The following NMRK2 variants were observed in gnomAD, a reference collection of about 807,000 sequenced individuals.
The protein encoded by NMRK2 is nicotinamide riboside kinase 2, also known as NRK 2.
A neutral mutation model predicts 24.7 loss-of-function variants in NMRK2; 34 were observed. That is an observed-to-expected ratio of 1.37 (90% CI 1.05 to 1.83). The LOEUF (loss-of-function observed/expected upper bound fraction) is 1.83. NMRK2 is among the 40% of genes most tolerant of loss of function. The probability of loss-of-function intolerance (pLI) is 0.00; values close to 1 mark genes in which losing one functional copy is unlikely to be tolerated. For synonymous variants in NMRK2, 145 were observed against 125.6 expected (o/e 1.15, Z -1.03); for missense variants, 341 against 315.0 (o/e 1.08, Z -0.62).
intron 7 of NMRK2, 75 bp from the exon 8 acceptor site, chr19:3,942,008 C>G: frequency 8.0e-7 from 1 of 1,255,150 alleles, no homozygotes; most frequent in Non-Finnish European, 1.1e-6. Context: ...TGCTCCTGAC[C>G]CAGCCGTCCA....
At chr19:3,937,132 C>T in intron 3 of NMRK2, 108 bp from the exon 4 acceptor site, 1 of 1,073,898 alleles carries the variant, frequency 9.3e-7, no homozygotes, top group Non-Finnish European at 1.4e-6. Flanking sequence ...CCCCACGCCT[C>T]AGGGACCTCA....
At chr19:3,936,796 CTCCT>C in intron 3 of NMRK2, 131 bp downstream of exon 3, 2 of 692,706 alleles carry the variant, frequency 2.9e-6, no homozygotes, top group Non-Finnish European at 4.7e-6. Flanking sequence ...TGCCTGACCC[CTCCT>C]GGGGTCTCTG....
chr19:3,934,588 C>T (rs1039287941), intron 2 of NMRK2, among the ~76,000 whole-genome samples: 4 of 150,264 alleles, frequency 2.7e-5, no homozygotes, highest in Admixed American at 6.7e-5. Flanking sequence ...TTGTTGTTGC[C>T]GTCGTAGTTT....
At chr19:3,940,371 C>T (rs527383770) in intron 6 of NMRK2, among the ~76,000 whole-genome samples, 2 of 144,410 alleles carry the variant, frequency 1.4e-5, no homozygotes, top group South Asian at 2.2e-4. Context: ...GGCGGCCAGG[C>T]GCGGTGGCTC....
At chr19:3,937,206 C>T (rs369141710) in intron 3 of NMRK2, 34 bp from the exon 4 acceptor site, 3 of 1,610,794 alleles carry the variant, frequency 1.9e-6, no homozygotes, top group Non-Finnish European at 2.5e-6. Context: ...CAGGACCGGG[C>T]ACTGAGCCCG....
intron 3 of NMRK2, 24 bp downstream of exon 3, chr19:3,936,689 T>A: frequency 6.5e-7 from 1 of 1,537,494 alleles, no homozygotes; most frequent in Non-Finnish European, 8.8e-7. Context: ...CCCGGGGAGG[T>A]GGAGCTGAGA....
In NMRK2 at chr19:3,933,636, C is replaced by A. The variant is rs1408940335; in HGVS notation, c.-36C>A. On this transcript the variant is annotated 5_prime_UTR_variant, in exon 2 of 8. Coordinates refer to ENST00000168977, the MANE Select transcript of NMRK2 (RefSeq NM_170678.3). The stretch of plus-strand genomic sequence containing the variant: ...GCGTGGTCGCACCCTACCCGGGCTG[C>A]CTTGGAAGTCGTCCCCGCCGCCCCT... 6.6e-7 allele frequency: 1 copy of A among 1,519,136 alleles called. No homozygotes were observed. The highest frequency in any genetic ancestry group is 2.7e-5 in the East Asian group (1 of 37,382). The allele number at this position is 1,519,136 out of a possible 1,614,324, so 94.1% of individuals were successfully genotyped here.
In NMRK2 at chr19:3,933,692, C is replaced by T. The variant is rs2039156600; in HGVS notation, c.21C>T (p.Ile7=). ...CCGGCATGAAGCTCATCGTGGGCAT[C>T]GGAGGGTGAGCGCCGGGGGACCTGG... The part of the protein sequence containing the change: MKLIVG[I]GGMTNGGKTT... Residue 7 remains isoleucine (I), a synonymous_variant, in exon 2 of 8, where the codon ATC becomes ATT. Transcript: ENST00000168977. 1 of 1,467,490 alleles carries T rather than the reference C, an allele frequency of 6.8e-7. No individual in the cohort carries two copies. The highest frequency in any genetic ancestry group is 1.5e-5 in the African/African-American group (1 of 68,948). 90.9% of individuals were successfully genotyped at this position (1,467,490 alleles called of 1,614,324 possible).
At chr19:3,940,367 C>T (rs1244990271) in intron 6 of NMRK2, among the ~76,000 whole-genome samples, 1 of 145,850 alleles carries the variant, frequency 6.9e-6, no homozygotes, top group Non-Finnish European at 1.5e-5. Context: ...AAAAGGCGGC[C>T]AGGCGCGGTG....
chr19:3,941,986 T>C (rs910054465), intron 7 of NMRK2, 97 bp from the exon 8 acceptor site: 37 of 991,880 alleles, frequency 3.7e-5, no homozygotes, highest in Non-Finnish European at 4.0e-5. Context: ...AGCCCGACTC[T>C]GCAGATCTCC....
intron 2 of NMRK2, among the ~76,000 whole-genome samples, chr19:3,933,952 A>G (rs980204731): frequency 9.3e-6 from 1 of 107,760 alleles, no homozygotes; most frequent in Non-Finnish European, 2.1e-5. Flanking sequence ...TATACTCAGC[A>G]TAAAAAAAAA....
In NMRK2 at chr19:3,942,274, G is replaced by C. The variant is rs761036295; in HGVS notation, c.*1G>C. 6.2e-7 allele frequency: 1 copy of C among 1,603,316 alleles called. No homozygotes were observed. Among genetic ancestry groups the C allele is most frequent in the Non-Finnish European group, 8.5e-7 (1 of 1,175,912 alleles). On this transcript the variant is annotated 3_prime_UTR_variant, in exon 8 of 8. Coordinates refer to ENST00000168977, the MANE Select transcript of NMRK2 (RefSeq NM_170678.3). ...AGCGTCCCAGCAGGACAGCATGTGAGCGTTTCCCTATGGGGGTGTCTGTAC... is the reference window on the plus strand; with the variant it reads ...AGCGTCCCAGCAGGACAGCATGTGACCGTTTCCCTATGGGGGTGTCTGTAC...
Position 3,938,755 on chromosome 19 carries a change from T to G in NMRK2, c.319T>G (p.Tyr107Asp), listed in dbSNP as rs751547174. 3.4e-5 allele frequency: 53 copies of G among 1,567,978 alleles called. No homozygotes were observed. Among genetic ancestry groups the G allele is most frequent in the Non-Finnish European group, 4.5e-5 (52 of 1,153,068 alleles). ...LLLEGFLLYSYKPLVDLYSRR... is the reference protein window; with the variant it reads ...LLLEGFLLYSDKPLVDLYSRR... ...CCTGGAAGGCTTCCTGCTCTACAGC[T>G]ACAAGTAAACATCTGCAGGCTCTGG... The change falls in exon 5 of 8, where the codon TAC (tyrosine) becomes GAC (aspartate). Residue 107 changes from tyrosine (Y) to aspartate (D), a missense_variant. Tyr to Asp is a radical substitution (Grantham distance 160). Transcript: ENST00000168977.
chr19:3,941,485 TTA>T, intron 7 of NMRK2, among the ~76,000 whole-genome samples: 1 of 151,908 alleles, frequency 6.6e-6, no homozygotes, highest in East Asian at 1.9e-4. Flanking sequence ...ACTCCTGACC[TTA>T]GGTGATCTGC....
intron 7 of NMRK2, among the ~76,000 whole-genome samples, chr19:3,941,568 C>T (rs1402907126): frequency 6.6e-6 from 1 of 151,942 alleles, no homozygotes; most frequent in Non-Finnish European, 1.5e-5. Flanking sequence ...TCTAAACGCC[C>T]TTCAGTACTC....
intron 5 of NMRK2, 144 bp downstream of exon 5, chr19:3,938,903 C>A: frequency 1.6e-6 from 1 of 633,006 alleles, no homozygotes; most frequent in East Asian, 3.6e-5. Context: ...GGCTGGAGTG[C>A]AGTGGTGAGA....
In NMRK2 at chr19:3,940,051, A is replaced by G. The variant is rs555548102; in HGVS notation, c.395+80A>G. On this transcript the variant is annotated intron_variant, in intron 6 of 7. Transcript: ENST00000168977. ...CTGGGTGGAACCAGCGGTAACCTAGAAAATGCCACTGGGGGCTGGGCACAG... is the reference window on the plus strand; with the variant it reads ...CTGGGTGGAACCAGCGGTAACCTAGGAAATGCCACTGGGGGCTGGGCACAG... 12 of 1,267,278 alleles carry G rather than the reference A, an allele frequency of 9.5e-6. No individual in the cohort carries two copies. In the East Asian group the frequency reaches 3.0e-4, roughly 31 times the overall value. The allele number at this position is 1,267,278 out of a possible 1,614,324, so 78.5% of individuals were successfully genotyped here. A position where few individuals can be genotyped will look rare whatever the true frequency, so the allele number is the denominator to read the frequency against.
chr19:3,938,841 TTTG>T (rs369705933), intron 5 of NMRK2, 82 bp downstream of exon 5: 15,380 of 377,126 alleles, frequency 0.041, 379 homozygotes, highest in African/African-American at 0.14. Context: ...TTTTTTTTTT[TTTG>T]TTTTGTTTTT....
chr19:3,936,777 T>TC, intron 3 of NMRK2, 112 bp downstream of exon 3: 11 of 854,608 alleles, frequency 1.3e-5, no homozygotes, highest in Non-Finnish European at 1.8e-5. Context: ...GGGCACTGGC[T>TC]CCACTCCCTG....
Sources: gnomAD v4.1 joint callset for allele counts (sites outside exome capture counted in the v4.1 genomes callset) on GRCh38, gnomAD v4.1.1 for gene constraint, MANE v1.5 for transcripts, NCBI Gene and HGNC (gene_info 2026-07-23, HGNC 2026-07-21) for gene names.